HMGB1: variants seen among roughly 807,000 people sequenced by gnomAD.
The protein encoded by HMGB1 is high mobility group box 1.
For synonymous variants in HMGB1, 81 were observed against 84.0 expected, an observed-to-expected ratio of 0.96 and a Z score of 0.19; for missense variants, 79 against 253.5, an observed-to-expected ratio of 0.31 and a Z score of 4.67.
intron 1 of HMGB1, chr13:30,616,639 G>C (rs531836612): frequency 1.3e-5 from 2 of 152,142 alleles, no homozygotes; most frequent in Non-Finnish European, 1.5e-5. Context: ...TAACAATCTA[G>C]TAAAGCAACA....
At chr13:30,501,991 T>C (rs2137453279) in intron 1 of HMGB1, among the ~76,000 whole-genome samples, 1 of 152,338 alleles carries the variant, frequency 6.6e-6, no homozygotes, top group South Asian at 2.1e-4. Flanking sequence ...GGAAACTCCT[T>C]TCATAGCCAA....
intron 1 of HMGB1, among the ~76,000 whole-genome samples, chr13:30,485,281 T>C (rs1187738343): frequency 1.3e-5 from 2 of 152,182 alleles, no homozygotes; most frequent in Non-Finnish European, 2.9e-5. Context: ...TCCACCCATA[T>C]TGGCCTCCCA....
intron 1 of HMGB1, among the ~76,000 whole-genome samples, chr13:30,573,522 A>G (rs1870518861): frequency 6.6e-6 from 1 of 152,264 alleles, no homozygotes; most frequent in African/African-American, 2.4e-5. Flanking sequence ...CATTTTTGAT[A>G]AGCTTTTCAT....
At chr13:30,610,133 CAGTATA>C (rs934725539) in intron 1 of HMGB1, among the ~76,000 whole-genome samples, 1 of 152,102 alleles carries the variant, frequency 6.6e-6, no homozygotes, top group African/African-American at 2.4e-5. Flanking sequence ...TGTAAGAATA[CAGTATA>C]TAACACATAT....
intron 1 of HMGB1, among the ~76,000 whole-genome samples, chr13:30,603,267 TAC>T (rs1179548640): frequency 2.0e-5 from 3 of 152,224 alleles, no homozygotes; most frequent in Non-Finnish European, 4.4e-5. Context: ...AATCTGTGTT[TAC>T]AGTCTAGCTG....
chr13:30,481,287 T>G (rs1340631965), intron 1 of HMGB1, among the ~76,000 whole-genome samples: 2 of 147,428 alleles, frequency 1.4e-5, no homozygotes, highest in Non-Finnish European at 3.0e-5. Flanking sequence ...CAGATGAGAT[T>G]AGAAGAAGAT....
intron 1 of HMGB1, among the ~76,000 whole-genome samples, chr13:30,493,020 T>G (rs1194757365): frequency 2.1e-5 from 3 of 140,328 alleles, no homozygotes; most frequent in Admixed American, 7.2e-5. Flanking sequence ...AAAAAAAAAG[T>G]TAAACATACA....
At chr13:30,515,860 T>C (rs1285512323) in intron 1 of HMGB1, among the ~76,000 whole-genome samples, 1 of 152,170 alleles carries the variant, frequency 6.6e-6, no homozygotes, top group Admixed American at 6.5e-5. Flanking sequence ...AAGGTAATCA[T>C]CAAAAGAGTT....
At chr13:30,581,564 G>A (rs1870902432) in intron 1 of HMGB1, among the ~76,000 whole-genome samples, 1 of 152,216 alleles carries the variant, frequency 6.6e-6, no homozygotes, top group Non-Finnish European at 1.5e-5. Flanking sequence ...TTTACAGAAA[G>A]TTTGCTGATC....
chr13:30,582,495 G>A (rs9551943), intron 1 of HMGB1, among the ~76,000 whole-genome samples: 61,259 of 151,788 alleles, frequency 0.4, 15,315 homozygotes, highest in East Asian at 0.83. Flanking sequence ...AAAATTAACC[G>A]GGCGTGGTGG....
At chr13:30,604,362 C>T (rs2137567326) in intron 1 of HMGB1, among the ~76,000 whole-genome samples, 1 of 152,226 alleles carries the variant, frequency 6.6e-6, no homozygotes, top group East Asian at 1.9e-4. Flanking sequence ...GAGGGTAATG[C>T]TATAATCCAG....
intron 1 of HMGB1, among the ~76,000 whole-genome samples, chr13:30,593,004 T>C (rs1871435478): frequency 6.6e-6 from 1 of 152,240 alleles, no homozygotes; most frequent in South Asian, 2.1e-4. Flanking sequence ...ACTGTTCCCA[T>C]CTTTATGTCC....
intron 1 of HMGB1, among the ~76,000 whole-genome samples, chr13:30,587,703 C>G (rs1454863017): frequency 2.0e-5 from 3 of 152,128 alleles, no homozygotes; most frequent in Non-Finnish European, 2.9e-5. Flanking sequence ...TACAGAATAG[C>G]CAAGCAAATG....
chr13:30,464,761 T>TTGAGTGTGTGTG, intron 1 of HMGB1: 1 of 164,170 alleles, frequency 6.1e-6, no homozygotes, highest in East Asian at 2.4e-4. Context: ...CTCCTTCCCT[T>TTGAGTGTGTGTG]TGTGTGTGTG....
chr13:30,498,932 G>A (rs181970459), intron 1 of HMGB1, among the ~76,000 whole-genome samples: 130 of 147,086 alleles, frequency 8.8e-4, no homozygotes, highest in African/African-American at 3.1e-3. Context: ...ACAAGTGTGA[G>A]CCACTGCGCC....
At chr13:30,492,864 G>A (rs1489085843) in intron 1 of HMGB1, among the ~76,000 whole-genome samples, 1 of 151,686 alleles carries the variant, frequency 6.6e-6, no homozygotes, top group Non-Finnish European at 1.5e-5. Context: ...GGTAGCGTGG[G>A]CCTGTAGTCC....
At position 30,476,700 on chromosome 13, in the gene HMGB1, C is replaced by T. The variant is rs564459994; in HGVS notation, c.-14-13006G>A. The stretch of plus-strand genomic sequence containing the variant: ...CCAACATGGCAAAACCCCAGCTCTA[C>T]TAAAAGTACAAAAGTATTAGCTGAG... On this transcript the variant is annotated intron_variant, in intron 1 of 4. Coordinates refer to the HMGB1 transcript ENST00000405805. Among the ~76,000 whole-genome samples, 8 of 151,928 alleles carry T rather than the reference C, an allele frequency of 5.3e-5. No homozygotes were observed. In the South Asian group the frequency reaches 1.7e-3, roughly 32 times the overall value.
intron 1 of HMGB1, among the ~76,000 whole-genome samples, chr13:30,574,828 C>A (rs111989405): frequency 1.8e-3 from 279 of 152,288 alleles, no homozygotes; most frequent in African/African-American, 6.1e-3. Context: ...ATGCTAACTG[C>A]ATGCTAACCA....
chr13:30,546,938 A>T (rs569160252), intron 1 of HMGB1, among the ~76,000 whole-genome samples: 208 of 152,326 alleles, frequency 1.4e-3, no homozygotes, highest in African/African-American at 4.8e-3. Context: ...TGTAGGTTTC[A>T]TGCTGTTAAT....
Sources: gnomAD v4.1 joint callset for allele counts (sites outside exome capture counted in the v4.1 genomes callset) on GRCh38, gnomAD v4.1.1 for gene constraint, MANE v1.5 for transcripts, NCBI Gene and HGNC (gene_info 2026-07-23, HGNC 2026-07-21) for gene names.